The following APBB2 variants were observed in gnomAD, a reference collection of about 807,000 sequenced individuals.
APBB2 encodes the protein amyloid beta precursor protein binding family B member 2.
Under a neutral mutation model 82.5 loss-of-function variants are expected in APBB2, and 38 were observed. That is an observed-to-expected ratio of 0.46 (90% CI 0.36 to 0.60). The LOEUF is 0.60. APBB2 is among the 20% of genes least tolerant of loss of function. The pLI is 0.00. For missense variants in APBB2, 772 were observed against 972.3 expected, an observed-to-expected ratio of 0.79 and a Z score of 2.74; for synonymous variants, 341 against 368.2, an observed-to-expected ratio of 0.93 and a Z score of 0.85.
At chr4:40,894,503 G>T (rs1773105712) in intron 10 of APBB2, among the ~76,000 whole-genome samples, 1 of 152,152 alleles carries the variant, frequency 6.6e-6, no homozygotes, top group South Asian at 2.1e-4. Flanking sequence ...GAGAAGCAAG[G>T]TGTTTTCTCT....
Position 41,092,349 on chromosome 4 carries a change from C to T in APBB2, c.-149+8290G>A, listed in dbSNP as rs966278814. 4.6e-5 allele frequency among the ~76,000 whole-genome samples: 7 copies of T among 152,278 alleles called. No homozygotes were observed. The South Asian group carries it at 6.2e-4, about 14-fold the overall frequency. ...GAATCACATAATGGGTGGAGGCAAA[C>T]CTGGAAGTGGGTTTTTAAAGTCGGC... On this transcript the variant is annotated intron_variant, in intron 3 of 17. Coordinates refer to ENST00000508593, the MANE Select transcript of APBB2 (RefSeq NM_004307.2).
chr4:40,886,825 C>A (rs1268930093), intron 12 of APBB2, among the ~76,000 whole-genome samples: 1 of 152,172 alleles, frequency 6.6e-6, no homozygotes, highest in African/African-American at 2.4e-5. Flanking sequence ...GCTCCTGGGG[C>A]TGAACTAGAT....
At chr4:41,139,139 G>T (rs543520513) in intron 2 of APBB2, among the ~76,000 whole-genome samples, 1 of 152,208 alleles carries the variant, frequency 6.6e-6, no homozygotes, top group South Asian at 2.1e-4. Context: ...ATATTGATCT[G>T]CAAGTCAACA....
intron 1 of APBB2, among the ~76,000 whole-genome samples, chr4:41,186,132 C>A (rs1046527318): frequency 6.6e-6 from 1 of 152,212 alleles, no homozygotes; most frequent in African/African-American, 2.4e-5. Context: ...TCAGACCTAT[C>A]TAATTTCATC....
chr4:41,098,607 C>A (rs1233588410), intron 3 of APBB2, among the ~76,000 whole-genome samples: 1 of 152,132 alleles, frequency 6.6e-6, no homozygotes, highest in Admixed American at 6.5e-5. Context: ...AATCAAAACA[C>A]AACTTTTACA....
intron 4 of APBB2, among the ~76,000 whole-genome samples, chr4:41,049,354 C>CA (rs1724911048): frequency 3.5e-5 from 3 of 84,712 alleles, no homozygotes; most frequent in East Asian, 7.7e-4. Flanking sequence ...GACCGGCAGC[C>CA]GCCCCGTCCG....
chr4:41,049,262 T>C (rs1414210122), intron 4 of APBB2, among the ~76,000 whole-genome samples: 4 of 135,096 alleles, frequency 3.0e-5, no homozygotes, highest in East Asian at 2.4e-4. Flanking sequence ...GTGAGGAGCG[T>C]CTCTGCCCGG....
In APBB2 at chr4:41,013,174, T is replaced by G. The variant is rs370439794; in HGVS notation, c.835+409A>C. Among the ~76,000 whole-genome samples the G allele has an allele frequency of 3.9e-5, 6 of 152,314 alleles. No homozygotes were observed. The East Asian group carries it at 1.2e-3, about 29-fold the overall frequency. ...AGTTATTTTGAGGACTTTAAAATAG[T>G]TCTCTTAATTGGGTTATATCCTTCC... On this transcript the variant is annotated intron_variant, in intron 6 of 17. Transcript: ENST00000508593.
chr4:41,162,972 T>G (rs1347880867), intron 1 of APBB2, among the ~76,000 whole-genome samples: 1 of 152,214 alleles, frequency 6.6e-6, no homozygotes, highest in African/African-American at 2.4e-5. Context: ...TCTTTATCTC[T>G]GGGAAGACAC....
At chr4:40,822,593 A>C (rs1287015781) in intron 16 of APBB2, 1 of 152,850 alleles carries the variant, frequency 6.5e-6, no homozygotes, top group Non-Finnish European at 1.5e-5. Context: ...ACTGGTGTCC[A>C]TCTGGGATCC....
chr4:41,062,258 C>T (rs1466454269), intron 4 of APBB2, among the ~76,000 whole-genome samples: 3 of 151,946 alleles, frequency 2.0e-5, no homozygotes, highest in South Asian at 2.1e-4. Context: ...CTGCAACCTC[C>T]GCCTCCCAGG....
intron 7 of APBB2, among the ~76,000 whole-genome samples, chr4:40,944,587 G>A (rs1477268882): frequency 6.6e-6 from 1 of 152,112 alleles, no homozygotes; most frequent in African/African-American, 2.4e-5. Context: ...GTGAGCCCTA[G>A]GGAATCTTAA....
intron 4 of APBB2, among the ~76,000 whole-genome samples, chr4:41,035,593 T>C (rs939658473): frequency 5.3e-5 from 8 of 152,184 alleles, no homozygotes; most frequent in Admixed American, 5.2e-4. Flanking sequence ...TGAATACCAG[T>C]AGAGAGAAAG....
rs77133167 is a variant in APBB2 at position 41,087,923 on chromosome 4, C to T, written c.-149+12716G>A. ...ATAATGGGGGGATAGCCTTTTCCAG[C>T]AATAGATGCGTGGGCCTCCACAAAA... On this transcript the variant is annotated intron_variant, in intron 3 of 17. Coordinates refer to ENST00000508593, the MANE Select transcript of APBB2 (RefSeq NM_004307.2). Among the ~76,000 whole-genome samples, 1,072 of 152,270 alleles carry T rather than the reference C, an allele frequency of 7.0e-3. 7 individuals carry two copies. The highest frequency in any genetic ancestry group is 0.012 in the Non-Finnish European group (799 of 68,016).
chr4:41,102,636 C>T (rs1486789896), intron 2 of APBB2, among the ~76,000 whole-genome samples: 1 of 152,170 alleles, frequency 6.6e-6, no homozygotes, highest in Non-Finnish European at 1.5e-5. Flanking sequence ...CCGGTGACTT[C>T]GGTTTCCACC....
intron 12 of APBB2, among the ~76,000 whole-genome samples, chr4:40,850,212 G>A (rs1407354707): frequency 2.0e-5 from 3 of 152,224 alleles, no homozygotes; most frequent in Admixed American, 2.0e-4. Context: ...CTTGACTCAA[G>A]TGATTTGCCC....
chr4:40,929,901 T>C (rs1783637706), intron 10 of APBB2, among the ~76,000 whole-genome samples: 1 of 152,188 alleles, frequency 6.6e-6, no homozygotes, highest in Non-Finnish European at 1.5e-5. Flanking sequence ...CTCTGCTCTG[T>C]AGTGGGGGAA....
At position 40,814,381 on chromosome 4, in the gene APBB2, C is replaced by G. The variant is rs1185524452; in HGVS notation, c.*1711G>C. 6.6e-6 allele frequency: 1 copy of G among 152,182 alleles called. No homozygotes were observed. The highest frequency in any genetic ancestry group is 2.4e-5 in the African/African-American group (1 of 41,438). 9.4% of individuals were successfully genotyped at this position (152,182 alleles called of 1,614,324 possible). ...TATGCCCAGAATCATTCTGGAAAGG[C>G]TCTTCCTGACGGATATGGAGGCAGC... On this transcript the variant is annotated 3_prime_UTR_variant, in exon 18 of 18. Coordinates refer to ENST00000508593, the MANE Select transcript of APBB2 (RefSeq NM_004307.2).
At chr4:41,159,893 GGAAGAA>G (rs1466166401) in intron 1 of APBB2, among the ~76,000 whole-genome samples, 2 of 92,590 alleles carry the variant, frequency 2.2e-5, no homozygotes, top group African/African-American at 4.6e-5. Context: ...AAAAAAAAAA[GGAAGAA>G]GAAGGAGAAG....
Sources: gnomAD v4.1 joint callset for allele counts (sites outside exome capture counted in the v4.1 genomes callset) on GRCh38, gnomAD v4.1.1 for gene constraint, MANE v1.5 for transcripts, NCBI Gene and HGNC (gene_info 2026-07-23, HGNC 2026-07-21) for gene names.